Variants in TAFA1 observed in about 807,000 individuals in gnomAD.
TAFA1 encodes the protein TAFA chemokine like family member 1.
In TAFA1, 4 loss-of-function variants were observed where a neutral mutation model predicts 18.5. The ratio of observed to expected loss-of-function variants is 0.22; its 90% confidence interval spans 0.11 to 0.49. The LOEUF is 0.49. Among genes scored for constraint, TAFA1 ranks in the 20% least tolerant of loss-of-function variants. TAFA1 has a pLI of 0.98. For missense variants in TAFA1, 147 were observed against 169.0 expected (o/e 0.87, Z 0.72); for synonymous variants, 56 against 55.2 (o/e 1.01, Z -0.06).
chr3:68,509,418 T>A (rs1202690045), intron 3 of TAFA1, among the ~76,000 whole-genome samples: 1 of 152,054 alleles, frequency 6.6e-6, no homozygotes. Flanking sequence ...TGCAGGCCTG[T>A]CTCCTGAAAT....
At chr3:68,301,285 T>G (rs1486346626) in intron 2 of TAFA1, among the ~76,000 whole-genome samples, 2 of 152,166 alleles carry the variant, frequency 1.3e-5, no homozygotes, top group Non-Finnish European at 2.9e-5. Context: ...AAAAGTTATC[T>G]CACTACATAA....
intron 2 of TAFA1, among the ~76,000 whole-genome samples, chr3:68,416,813 C>T (rs993988129): frequency 5.3e-5 from 8 of 152,154 alleles, no homozygotes; most frequent in African/African-American, 1.4e-4. Context: ...TATTTAGCCC[C>T]CCTTGAGAGT....
intron 2 of TAFA1, among the ~76,000 whole-genome samples, chr3:68,328,046 G>C (rs377401745): frequency 2.1e-4 from 32 of 152,204 alleles, no homozygotes; most frequent in African/African-American, 6.7e-4. Flanking sequence ...CATATCTGTT[G>C]TTCAGCCTGG....
intron 3 of TAFA1, among the ~76,000 whole-genome samples, chr3:68,525,808 C>T (rs1169158884): frequency 6.6e-6 from 1 of 152,050 alleles, no homozygotes; most frequent in East Asian, 1.9e-4. Flanking sequence ...CTAGAGACTG[C>T]AAGAGCACAA....
At chr3:68,045,619 C>G (rs923307019) in intron 2 of TAFA1, among the ~76,000 whole-genome samples, 2 of 151,794 alleles carry the variant, frequency 1.3e-5, no homozygotes, top group Non-Finnish European at 2.9e-5. Flanking sequence ...AGACTTGAGT[C>G]CTAGTATGGA....
chr3:68,167,450 G>A (rs1314685473), intron 2 of TAFA1, among the ~76,000 whole-genome samples: 5 of 152,000 alleles, frequency 3.3e-5, no homozygotes, highest in South Asian at 2.1e-4. Flanking sequence ...GGCGGCGTGC[G>A]CCTGTAGTCC....
chr3:68,291,183 G>A (rs1214797073), intron 2 of TAFA1, among the ~76,000 whole-genome samples: 1 of 152,036 alleles, frequency 6.6e-6, no homozygotes, highest in Non-Finnish European at 1.5e-5. Context: ...GTGTTGAATC[G>A]AAATAACTTC....
At chr3:68,348,846 G>T (rs1169781279) in intron 2 of TAFA1, among the ~76,000 whole-genome samples, 1 of 151,982 alleles carries the variant, frequency 6.6e-6, no homozygotes, top group Non-Finnish European at 1.5e-5. Flanking sequence ...ATGAAAAGTA[G>T]CATGGTTGAA....
chr3:68,118,125 T>C (rs1023385310), intron 2 of TAFA1, among the ~76,000 whole-genome samples: 1 of 152,170 alleles, frequency 6.6e-6, no homozygotes, highest in Non-Finnish European at 1.5e-5. Flanking sequence ...ATGTAATATA[T>C]AATGAAATAA....
chr3:68,147,702 T>G (rs537437805), intron 2 of TAFA1, among the ~76,000 whole-genome samples: 1 of 152,170 alleles, frequency 6.6e-6, no homozygotes, highest in Non-Finnish European at 1.5e-5. Flanking sequence ...AACATTTTTT[T>G]TGTAGCTCTA....
rs572322316 is a variant in TAFA1 at position 68,240,759 on chromosome 3, G to C, written c.119-176521G>C. Among the ~76,000 whole-genome samples the C allele has an allele frequency of 5.9e-5, 9 of 152,276 alleles. No individual in the cohort carries two copies. In the South Asian group the frequency reaches 1.9e-3, roughly 32 times the overall value. On this transcript the variant is annotated intron_variant, in intron 2 of 4. Coordinates refer to ENST00000478136, the MANE Select transcript of TAFA1 (RefSeq NM_213609.4). ...TTCAGAGGTCAGCATGCACTCTGAAGCGCTGTAATTTTTACAAAGTCTTTT... is the reference window on the plus strand; with the variant it reads ...TTCAGAGGTCAGCATGCACTCTGAACCGCTGTAATTTTTACAAAGTCTTTT...
At chr3:68,483,208 G>T (rs1354700969) in intron 3 of TAFA1, among the ~76,000 whole-genome samples, 1 of 152,162 alleles carries the variant, frequency 6.6e-6, no homozygotes, top group Non-Finnish European at 1.5e-5. Flanking sequence ...AACTCATAAG[G>T]ATCTTGCATA....
chr3:68,507,666 G>C (rs2072782566), intron 3 of TAFA1, among the ~76,000 whole-genome samples: 1 of 152,078 alleles, frequency 6.6e-6, no homozygotes, highest in African/African-American at 2.4e-5. Context: ...GTGTGATAAA[G>C]ACATCTTTGA....
At chr3:67,996,523 G>A in the TAFA1 span, among the ~76,000 whole-genome samples, 686 of 152,264 alleles carry the variant, frequency 4.5e-3, 20 homozygotes, top group Admixed American at 0.037. Context: ...ATATGGCTGC[G>A]TGTGGTGAGT....
At chr3:68,499,161 T>C (rs906847643) in intron 3 of TAFA1, among the ~76,000 whole-genome samples, 3 of 152,186 alleles carry the variant, frequency 2.0e-5, no homozygotes, top group African/African-American at 7.2e-5. Context: ...GTGCAGAATT[T>C]TCATTTATAC....
intron 2 of TAFA1, among the ~76,000 whole-genome samples, chr3:68,177,896 G>T (rs1265286358): frequency 6.6e-6 from 1 of 152,180 alleles, no homozygotes; most frequent in African/African-American, 2.4e-5. Context: ...TGTAATCCCA[G>T]CCCTTTGGGA....
At chr3:68,495,780 A>G (rs2072535362) in intron 3 of TAFA1, among the ~76,000 whole-genome samples, 1 of 152,176 alleles carries the variant, frequency 6.6e-6, no homozygotes, top group Non-Finnish European at 1.5e-5. Flanking sequence ...CATGCTCTCC[A>G]GGCTCACATG....
intron 3 of TAFA1, among the ~76,000 whole-genome samples, chr3:68,451,907 T>C (rs2071572139): frequency 1.3e-5 from 2 of 152,146 alleles, no homozygotes; most frequent in Non-Finnish European, 2.9e-5. Context: ...GACCATACAT[T>C]TAATGTGACA....
chr3:68,491,313 G>A (rs2072448585), intron 3 of TAFA1, among the ~76,000 whole-genome samples: 1 of 152,076 alleles, frequency 6.6e-6, no homozygotes, highest in South Asian at 2.1e-4. Flanking sequence ...TGATAGACTG[G>A]ATTAAGAAAA....
Sources: gnomAD v4.1 joint callset for allele counts (sites outside exome capture counted in the v4.1 genomes callset) on GRCh38, gnomAD v4.1.1 for gene constraint, MANE v1.5 for transcripts, NCBI Gene and HGNC (gene_info 2026-07-23, HGNC 2026-07-21) for gene names.